Variants in GRIN2A observed in about 807,000 individuals in gnomAD.
GRIN2A encodes the protein glutamate receptor ionotropic, NMDA 2A.
In GRIN2A, 22 loss-of-function variants were observed where a neutral mutation model predicts 113.4. That is an observed-to-expected ratio of 0.19 (90% CI 0.14 to 0.28). GRIN2A has a LOEUF of 0.28. GRIN2A is among the 10% of genes least tolerant of loss of function. The probability of loss-of-function intolerance (pLI) is 1.00; values close to 1 mark genes in which losing one functional copy is unlikely to be tolerated. For missense variants in GRIN2A, 1,502 were observed against 1,887.0 expected (o/e 0.80, Z 3.78); for synonymous variants, 827 against 738.4 (o/e 1.12, Z -1.94).
At chr16:10,020,547 T>C (rs968281144) in intron 2 of GRIN2A, among the ~76,000 whole-genome samples, 3 of 152,172 alleles carry the variant, frequency 2.0e-5, no homozygotes, top group Non-Finnish European at 4.4e-5. Flanking sequence ...GCAATAAATA[T>C]AGAATTAGAA....
At chr16:10,063,670 A>C (rs2047593176) in intron 2 of GRIN2A, among the ~76,000 whole-genome samples, 1 of 152,228 alleles carries the variant, frequency 6.6e-6, no homozygotes, top group Non-Finnish European at 1.5e-5. Context: ...AGAGGATCTA[A>C]ATTACATGTT....
chr16:10,062,855 ACT>A (rs2047571739), intron 2 of GRIN2A, among the ~76,000 whole-genome samples: 1 of 151,174 alleles, frequency 6.6e-6, no homozygotes, highest in African/African-American at 2.4e-5. Context: ...ACAGAGCAAG[ACT>A]CTGTTTCAAA....
At chr16:9,987,033 C>A (rs62033367) in intron 2 of GRIN2A, among the ~76,000 whole-genome samples, 1 of 152,106 alleles carries the variant, frequency 6.6e-6, no homozygotes, top group African/African-American at 2.4e-5. Context: ...TATTCTGAAC[C>A]AGCATACTTG....
chr16:10,161,860 T>C (rs1303867080), intron 2 of GRIN2A, among the ~76,000 whole-genome samples: 3 of 152,202 alleles, frequency 2.0e-5, no homozygotes, highest in Non-Finnish European at 4.4e-5. Flanking sequence ...AATCTCTGCT[T>C]CTGTTGCCAC....
intron 4 of GRIN2A, among the ~76,000 whole-genome samples, chr16:9,860,183 T>G (rs918833090): frequency 6.6e-6 from 1 of 151,846 alleles, no homozygotes; most frequent in Non-Finnish European, 1.5e-5. Flanking sequence ...GAAACAGGCA[T>G]GGTGGCTCGC....
chr16:9,858,203 G>GA (rs149799502), intron 4 of GRIN2A, among the ~76,000 whole-genome samples: 6,797 of 152,120 alleles, frequency 0.045, 498 homozygotes, highest in African/African-American at 0.15. Context: ...AATAAATACT[G>GA]GCTAAGAAAT....
intron 12 of GRIN2A, among the ~76,000 whole-genome samples, chr16:9,766,050 G>C (rs1425064838): frequency 1.3e-5 from 2 of 152,142 alleles, no homozygotes; most frequent in African/African-American, 4.8e-5. Context: ...GGAACATTTT[G>C]ATCTGTGGCT....
intron 4 of GRIN2A, among the ~76,000 whole-genome samples, chr16:9,855,776 G>C (rs1406918098): frequency 1.3e-5 from 2 of 152,184 alleles, no homozygotes; most frequent in Non-Finnish European, 2.9e-5. Context: ...GCAGAAAACA[G>C]CCAAATGGCA....
At chr16:9,777,948 C>T (rs369806996) in intron 11 of GRIN2A, among the ~76,000 whole-genome samples, 1 of 152,118 alleles carries the variant, frequency 6.6e-6, no homozygotes, top group Non-Finnish European at 1.5e-5. Context: ...GCCTGTAATC[C>T]CAGCTACTCA....
intron 2 of GRIN2A, among the ~76,000 whole-genome samples, chr16:9,948,905 G>C (rs372567383): frequency 6.6e-6 from 1 of 152,182 alleles, no homozygotes; most frequent in African/African-American, 2.4e-5. Flanking sequence ...ACAAATGTAC[G>C]CAAGTGGCTG....
chr16:9,939,302 T>C (rs1258413305), intron 2 of GRIN2A, among the ~76,000 whole-genome samples: 1 of 152,144 alleles, frequency 6.6e-6, no homozygotes, highest in Non-Finnish European at 1.5e-5. Flanking sequence ...ATCCCGAGGA[T>C]GCACTGCGAC....
At chr16:10,072,946 C>CTTTTTTTTT (rs34432023) in intron 2 of GRIN2A, among the ~76,000 whole-genome samples, 2 of 104,230 alleles carry the variant, frequency 1.9e-5, no homozygotes, top group East Asian at 3.0e-4. Flanking sequence ...ACAAGACCCC[C>CTTTTTTTTT]TTTTTTTTTT....
chr16:9,842,398 G>C (rs2042696592), intron 5 of GRIN2A, among the ~76,000 whole-genome samples: 1 of 152,188 alleles, frequency 6.6e-6, no homozygotes, highest in Non-Finnish European at 1.5e-5. Context: ...GCTCAACCCT[G>C]TCTTTGAGTT....
intron 9 of GRIN2A, among the ~76,000 whole-genome samples, chr16:9,823,506 T>C (rs1390139927): frequency 6.6e-6 from 1 of 152,208 alleles, no homozygotes; most frequent in African/African-American, 2.4e-5. Context: ...TCTGTTATTA[T>C]CATTATGAGT....
intron 2 of GRIN2A, among the ~76,000 whole-genome samples, chr16:9,940,221 T>C (rs577866408): frequency 6.6e-6 from 1 of 152,124 alleles, no homozygotes; most frequent in Non-Finnish European, 1.5e-5. Flanking sequence ...AAAGCTATAG[T>C]TCTTCGAAAT....
chr16:9,904,059 A>T, intron 3 of GRIN2A, among the ~76,000 whole-genome samples: 1 of 152,204 alleles, frequency 6.6e-6, no homozygotes. Flanking sequence ...TTTTAAATCC[A>T]CAACTGTTGG....
rs16966453 is a variant in GRIN2A, at chr16:9,832,818, T to G, written c.1777+1287A>C. Among the ~76,000 whole-genome samples the G allele has an allele frequency of 5.5e-4, 84 of 152,322 alleles. 1 individual carries two copies. Among genetic ancestry groups the G allele is most frequent in the Admixed American group, 7.8e-4 (12 of 15,298 alleles). On this transcript the variant is annotated intron_variant, in intron 8 of 12. Coordinates refer to ENST00000330684, the MANE Select transcript of GRIN2A (RefSeq NM_001134407.3). Reference sequence around the variant, plus strand: ...TCCCATTAAACACAACATCATTATTTATGGCATTGTTTAGTATCTGGTTGA... The same window carrying G: ...TCCCATTAAACACAACATCATTATTGATGGCATTGTTTAGTATCTGGTTGA...
At chr16:10,075,031 G>A (rs2047841337) in intron 2 of GRIN2A, among the ~76,000 whole-genome samples, 1 of 152,066 alleles carries the variant, frequency 6.6e-6, no homozygotes, top group East Asian at 1.9e-4. Flanking sequence ...TATTATCAAA[G>A]GACAGCCCAG....
chr16:9,976,696 C>CT (rs1467692744), intron 2 of GRIN2A, among the ~76,000 whole-genome samples: 2 of 152,188 alleles, frequency 1.3e-5, no homozygotes, highest in African/African-American at 4.8e-5. Context: ...AGCCGGCACT[C>CT]TAATTCCAGT....
Sources: gnomAD v4.1 joint callset for allele counts (sites outside exome capture counted in the v4.1 genomes callset) on GRCh38, gnomAD v4.1.1 for gene constraint, MANE v1.5 for transcripts, NCBI Gene and HGNC (gene_info 2026-07-23, HGNC 2026-07-21) for gene names.